The following CHCHD7 variants were observed in gnomAD, a reference collection of about 807,000 sequenced individuals.
CHCHD7 encodes coiled-coil-helix-coiled-coil-helix domain containing 7.
A neutral mutation model predicts 10.5 loss-of-function variants in CHCHD7; 7 were observed. That is an observed-to-expected ratio of 0.67 (90% CI 0.38 to 1.25). CHCHD7 has a LOEUF of 1.25. Ranked by LOEUF, CHCHD7 falls within the 50% of genes most tolerant of loss-of-function variation. CHCHD7 has a pLI of 0.02. For missense variants in CHCHD7, 100 were observed against 104.5 expected, an observed-to-expected ratio of 0.96 and a Z score of 0.19; for synonymous variants, 40 against 36.0, an observed-to-expected ratio of 1.11 and a Z score of -0.40.
In CHCHD7 at chr8:56,217,941, A is replaced by C. The variant is rs1304322670; in HGVS notation, c.*506A>C. On this transcript the variant is annotated 3_prime_UTR_variant, in exon 4 of 4. Transcript: ENST00000355315. ...GTAAGGAATGTGTGGTGGGCCTCAG[A>C]TCCCAGGCTCATTCCTCAAATCACT... 4.3e-6 allele frequency: 1 copy of C among 231,418 alleles called. No individual in the cohort carries two copies. Among genetic ancestry groups the C allele is most frequent in the Non-Finnish European group, 8.5e-6 (1 of 117,094 alleles). 14.3% of individuals were successfully genotyped at this position (231,418 alleles called of 1,614,324 possible).
At chr8:56,214,725 G>T in intron 2 of CHCHD7, 58 bp downstream of exon 2, 1 of 1,340,196 alleles carries the variant, frequency 7.5e-7, no homozygotes, top group Non-Finnish European at 1.1e-6. Flanking sequence ...GGCTGCTCTA[G>T]TTTTGTGGGC....
intron 3 of CHCHD7, 27 bp from the exon 4 acceptor site, chr8:56,217,304 C>CT: frequency 7.0e-7 from 1 of 1,438,196 alleles, no homozygotes; most frequent in South Asian, 1.2e-5. Flanking sequence ...TTGGTTTCTT[C>CT]TTTTTTATTT....
chr8:56,213,934 A>G (rs1277096487), intron 1 of CHCHD7: 1 of 152,224 alleles, frequency 6.6e-6, no homozygotes, highest in African/African-American at 2.4e-5. Flanking sequence ...ACCGAATTTC[A>G]TTCTTATTTT....
chr8:56,214,347 A>C (rs906105280), intron 1 of CHCHD7: 3 of 284,874 alleles, frequency 1.1e-5, no homozygotes, highest in Non-Finnish European at 2.0e-5. Context: ...CTGGGATTAC[A>C]GGCGTGAGAC....
Position 56,216,550 on chromosome 8 carries a change from G to C in CHCHD7, c.153+19G>C, listed in dbSNP as rs1243708914. The C allele has an allele frequency of 6.2e-7, 1 of 1,613,994 alleles. No homozygotes were observed. Among genetic ancestry groups the C allele is most frequent in the South Asian group, 1.1e-5 (1 of 91,058 alleles). The stretch of plus-strand genomic sequence containing the variant: ...ATTCTGGGTAAGCCTAGATTGGTTA[G>C]CTTTGTGTTAAAACCCATCTCCTAG... On this transcript the variant is annotated intron_variant, in intron 3 of 3. Transcript: ENST00000355315.
In CHCHD7 at chr8:56,217,485, T is replaced by A; in HGVS notation, c.*50T>A. On this transcript the variant is annotated 3_prime_UTR_variant, in exon 4 of 4. Coordinates refer to ENST00000355315, the MANE Select transcript of CHCHD7 (RefSeq NM_001011671.3). ...TAACTTAGAAGCAGATGAATATTTC[T>A]AATAAATGATTGCTGTAATATTTAA... is the stretch of plus-strand genomic sequence containing the variant. 9.2e-7 allele frequency: 1 copy of A among 1,081,898 alleles called. No homozygotes were observed. The highest frequency in any genetic ancestry group is 1.3e-5 in the South Asian group (1 of 77,908). The allele number at this position is 1,081,898 out of a possible 1,614,324, so 67.0% of individuals were successfully genotyped here. A position where few individuals can be genotyped will look rare whatever the true frequency, so the allele number is the denominator to read the frequency against.
At position 56,218,073 on chromosome 8, in the gene CHCHD7, TAAAG is replaced by T. The variant is rs1813465148; in HGVS notation, c.*643_*646del. 1 of 228,690 alleles carries T rather than the reference TAAAG, an allele frequency of 4.4e-6. No individual in the cohort carries two copies. The highest frequency in any genetic ancestry group is 1.8e-4 in the South Asian group (1 of 5,502). 14.2% of individuals were successfully genotyped at this position (228,690 alleles called of 1,614,324 possible). ...TAAAAAAGAACTGGTTGTCTTTCTT[TAAAG>T]AAAGTCTTAGTTACAGGATTCTGTG... On this transcript the variant is annotated 3_prime_UTR_variant, in exon 4 of 4. Transcript: ENST00000355315.
chr8:56,213,061 A>G (rs1370441361), intron 1 of CHCHD7: 4 of 484,422 alleles, frequency 8.3e-6, no homozygotes, highest in Non-Finnish European at 1.5e-5. Flanking sequence ...TTCTCACATC[A>G]TAGGATAGGT....
intron 2 of CHCHD7, among the ~76,000 whole-genome samples, chr8:56,215,744 T>C (rs1813312686): frequency 1.3e-5 from 2 of 152,214 alleles, no homozygotes; most frequent in Admixed American, 6.5e-5. Flanking sequence ...CACAGAATCA[T>C]ACCTTTCACT....
chr8:56,214,667 G>T lies in CHCHD7; in HGVS notation c.54G>T (p.Ser18=). The T allele has an allele frequency of 6.2e-7, 1 of 1,612,532 alleles. No individual in the cohort carries two copies. Among genetic ancestry groups the T allele is most frequent in the Non-Finnish European group, 8.5e-7 (1 of 1,178,720 alleles). ...ATCCTGACATAAATCCTTGTTTGTC[G>T]GTAGGATGGTTTGCTTTAATTTTCA... ...LRDPDINPCL[S]ESDASTRCLD... is the part of the protein sequence containing the mutation. The change falls in exon 2 of 4, where the codon TCG becomes TCT. Residue 18 remains serine, a splice_region_variant and synonymous_variant. Transcript: ENST00000355315.
rs1813459710 is a variant in CHCHD7, at chr8:56,217,965, C to T, written c.*530C>T. 1 of 230,686 alleles carries T rather than the reference C, an allele frequency of 4.3e-6. No individual in the cohort carries two copies. 14.3% of individuals were successfully genotyped at this position (230,686 alleles called of 1,614,324 possible). A position where few individuals can be genotyped will look rare whatever the true frequency, so the allele number is the denominator to read the frequency against. On this transcript the variant is annotated 3_prime_UTR_variant, in exon 4 of 4. Transcript: ENST00000355315. ...GATCCCAGGCTCATTCCTCAAATCA[C>T]TTCTTACTTCCCTCACTTATCTTTG...
chr8:56,212,673 T>G (rs1813075117), intron 1 of CHCHD7: 4 of 583,570 alleles, frequency 6.9e-6, no homozygotes. Flanking sequence ...ATTCAAAAAG[T>G]AATAGACAAG....
intron 3 of CHCHD7, 93 bp downstream of exon 3, chr8:56,216,624 C>G: frequency 7.7e-7 from 1 of 1,294,264 alleles, no homozygotes; most frequent in Non-Finnish European, 1.1e-6. Flanking sequence ...TCCTTTCCCA[C>G]TGATGGCTGT....
intron 1 of CHCHD7, chr8:56,213,631 C>G (rs959169434): frequency 6.6e-5 from 10 of 152,206 alleles, no homozygotes; most frequent in African/African-American, 2.2e-4. Context: ...ACCTCGTGAT[C>G]CGCCCGACTC....
chr8:56,214,644 C>T lies in CHCHD7; in HGVS notation c.31C>T (p.Pro11Ser). The part of the protein sequence containing the change: MPSVTQRLRD[P>S]DINPCLSESD... ...CTCGGTAACACAGAGGCTGAGAGAT[C>T]CTGACATAAATCCTTGTTTGTCGGT... The change falls in exon 2 of 4, where the codon CCT becomes TCT. Residue 11 changes from proline (P) to serine (S), a missense_variant. Physicochemically the swap from Pro to Ser is moderately conservative, Grantham distance 74. Coordinates refer to ENST00000355315, the MANE Select transcript of CHCHD7 (RefSeq NM_001011671.3). The T allele has an allele frequency of 1.9e-6, 3 of 1,613,316 alleles. No individual in the cohort carries two copies. Among genetic ancestry groups the T allele is most frequent in the Non-Finnish European group, 1.7e-6 (2 of 1,179,392 alleles).
intron 2 of CHCHD7, 162 bp from the exon 3 acceptor site, chr8:56,216,271 A>G: frequency 9.3e-7 from 1 of 1,075,746 alleles, no homozygotes; most frequent in Non-Finnish European, 1.3e-6. Flanking sequence ...ATACTGGGAT[A>G]GCTGGCGAGA....
At chr8:56,216,399 A>C in intron 2 of CHCHD7, 34 bp from the exon 3 acceptor site, 1 of 1,613,452 alleles carries the variant, frequency 6.2e-7, no homozygotes, top group Non-Finnish European at 8.5e-7. Flanking sequence ...ATCCTGTTCT[A>C]CCTTTTAAAT....
chr8:56,216,611 C>T (rs1364604797), intron 3 of CHCHD7, 80 bp downstream of exon 3: 1 of 1,415,480 alleles, frequency 7.1e-7, no homozygotes, highest in South Asian at 1.2e-5. Context: ...TCAGTACCCA[C>T]AATCCTTTCC....
At position 56,216,424 on chromosome 8, in the gene CHCHD7, A is replaced by G. The variant is rs760440093; in HGVS notation, c.55-9A>G. On this transcript the variant is annotated splice_polypyrimidine_tract_variant and intron_variant, in intron 2 of 3. Transcript: ENST00000355315. ...ACCTTTTAAATGATGCCTCTCTTAT[A>G]TCTGTAAGGAATCTGATGCTTCCAC... The G allele has an allele frequency of 5.0e-6, 8 of 1,614,022 alleles. No individual in the cohort carries two copies. The highest frequency in any genetic ancestry group is 5.9e-6 in the Non-Finnish European group (7 of 1,180,002).
Sources: gnomAD v4.1 joint callset for allele counts (sites outside exome capture counted in the v4.1 genomes callset) on GRCh38, gnomAD v4.1.1 for gene constraint, MANE v1.5 for transcripts, NCBI Gene and HGNC (gene_info 2026-07-23, HGNC 2026-07-21) for gene names.